Variants in EPHA6 observed in about 807,000 individuals in gnomAD.
The protein encoded by EPHA6 is EPH receptor A6.
In EPHA6, 50 loss-of-function variants were observed where a neutral mutation model predicts 112.0. That is an observed-to-expected ratio of 0.45 (90% CI 0.36 to 0.56). EPHA6 has a LOEUF of 0.56. Among genes scored for constraint, EPHA6 ranks in the 20% least tolerant of loss-of-function variants. The pLI is 0.00. For missense variants in EPHA6, 1,280 were observed against 1,417.4 expected (o/e 0.90, Z 1.56); for synonymous variants, 529 against 490.7 (o/e 1.08, Z -1.03).
At chr3:97,471,136 G>A (rs1442283345) in intron 7 of EPHA6, among the ~76,000 whole-genome samples, 1 of 151,586 alleles carries the variant, frequency 6.6e-6, no homozygotes, top group Non-Finnish European at 1.5e-5. Flanking sequence ...GTAACTTCAT[G>A]GTTTGCTTAT....
intron 2 of EPHA6, among the ~76,000 whole-genome samples, chr3:96,932,510 A>T (rs2107660379): frequency 6.6e-6 from 1 of 152,384 alleles, no homozygotes; most frequent in Admixed American, 6.5e-5. Context: ...TAAACCATAC[A>T]AATTAGAAAT....
intron 5 of EPHA6, among the ~76,000 whole-genome samples, chr3:97,397,278 G>A (rs1443180291): frequency 3.3e-5 from 5 of 151,220 alleles, no homozygotes; most frequent in African/African-American, 1.2e-4. Context: ...GCTCTTCTGT[G>A]TCCTAAAATC....
At chr3:97,028,763 T>C (rs1163128436) in intron 3 of EPHA6, among the ~76,000 whole-genome samples, 1 of 152,010 alleles carries the variant, frequency 6.6e-6, no homozygotes, top group African/African-American at 2.4e-5. Context: ...GAAATATGAT[T>C]TCTCATTAAT....
At chr3:97,127,125 TGAA>T (rs1415274280) in intron 3 of EPHA6, among the ~76,000 whole-genome samples, 3 of 152,254 alleles carry the variant, frequency 2.0e-5, no homozygotes, top group Admixed American at 6.5e-5. Context: ...CTTAAGGAAA[TGAA>T]GACCCAAGTA....
chr3:97,073,963 A>G (rs539032715), intron 3 of EPHA6, among the ~76,000 whole-genome samples: 1 of 151,822 alleles, frequency 6.6e-6, no homozygotes, highest in Non-Finnish European at 1.5e-5. Flanking sequence ...TTGGCCATTT[A>G]TTTTTTTAAT....
chr3:97,639,815 G>C (rs1050499611), intron 14 of EPHA6, among the ~76,000 whole-genome samples: 19 of 152,146 alleles, frequency 1.2e-4, no homozygotes, highest in African/African-American at 3.9e-4. Flanking sequence ...TTGGACCCCA[G>C]ACTTAAATAG....
intron 14 of EPHA6, among the ~76,000 whole-genome samples, chr3:97,693,302 G>C (rs1443563254): frequency 6.6e-6 from 1 of 152,186 alleles, no homozygotes; most frequent in African/African-American, 2.4e-5. Flanking sequence ...GAGGAATTTA[G>C]ATGTGTGGGT....
chr3:97,494,374 T>TAAAATTTG (rs2091925676), intron 10 of EPHA6, among the ~76,000 whole-genome samples: 1 of 152,234 alleles, frequency 6.6e-6, no homozygotes, highest in Non-Finnish European at 1.5e-5. Context: ...CGTCTTTTCC[T>TAAAATTTG]GATCTTGTCC....
intron 14 of EPHA6, among the ~76,000 whole-genome samples, chr3:97,705,085 A>G (rs989559774): frequency 6.6e-6 from 1 of 152,162 alleles, no homozygotes; most frequent in Non-Finnish European, 1.5e-5. Context: ...GCCACAAAAG[A>G]AGGTCCAAAT....
chr3:97,187,747 G>GGAAA lies in EPHA6; in HGVS notation c.1115-38504_1115-38501dup, dbSNP rs71623567. Among the ~76,000 whole-genome samples, 204 of 124,104 alleles carry GGAAA rather than the reference G, an allele frequency of 1.6e-3. 1 individual carries two copies. The highest frequency in any genetic ancestry group is 5.7e-3 in the African/African-American group (187 of 32,910). 81.4% of individuals were successfully genotyped at this position (124,104 alleles called of 152,430 possible). ...AAAGAAAGAAAGAAAGAAAGAAAGA[G>GGAAA]GAAAGAAAGAAAGAAAAATGCCATA... is the stretch of plus-strand genomic sequence containing the variant. On this transcript the variant is annotated intron_variant, in intron 3 of 17. Coordinates refer to ENST00000389672, the MANE Select transcript of EPHA6 (RefSeq NM_001080448.3).
intron 6 of EPHA6, among the ~76,000 whole-genome samples, chr3:97,433,394 A>C (rs1378590356): frequency 6.6e-6 from 1 of 152,150 alleles, no homozygotes; most frequent in Non-Finnish European, 1.5e-5. Context: ...GACATAGGCA[A>C]ATCTCATTTT....
At chr3:97,100,754 G>A (rs1235754370) in intron 3 of EPHA6, among the ~76,000 whole-genome samples, 1 of 151,928 alleles carries the variant, frequency 6.6e-6, no homozygotes, top group Non-Finnish European at 1.5e-5. Flanking sequence ...GATATACCAA[G>A]TGTTTCCTAT....
intron 3 of EPHA6, among the ~76,000 whole-genome samples, chr3:97,035,429 C>T (rs1414219735): frequency 6.6e-6 from 1 of 151,762 alleles, no homozygotes; most frequent in Non-Finnish European, 1.5e-5. Context: ...TTACATAGTG[C>T]CCTCTTATCA....
chr3:97,340,040 T>C (rs2083231627), intron 5 of EPHA6, among the ~76,000 whole-genome samples: 2 of 152,200 alleles, frequency 1.3e-5, no homozygotes, highest in Admixed American at 6.5e-5. Flanking sequence ...CCTAAATATT[T>C]TTTCCAGATG....
intron 5 of EPHA6, among the ~76,000 whole-genome samples, chr3:97,314,971 A>G (rs2081747373): frequency 6.6e-6 from 1 of 151,692 alleles, no homozygotes; most frequent in South Asian, 2.1e-4. Flanking sequence ...AGCATTCTAC[A>G]ACGATGAAAA....
At chr3:97,102,315 A>G (rs757330362) in intron 3 of EPHA6, among the ~76,000 whole-genome samples, 9 of 152,048 alleles carry the variant, frequency 5.9e-5, no homozygotes, top group African/African-American at 9.7e-5. Context: ...AGTAAATGCT[A>G]CGTGGAGCAA....
At chr3:97,111,386 A>G (rs1397250050) in intron 3 of EPHA6, among the ~76,000 whole-genome samples, 1 of 151,986 alleles carries the variant, frequency 6.6e-6, no homozygotes, top group Non-Finnish European at 1.5e-5. Context: ...ACTTGTTTTC[A>G]GCTTTTAGCA....
At chr3:97,717,257 A>G (rs866584088) in intron 14 of EPHA6, among the ~76,000 whole-genome samples, 40 of 151,314 alleles carry the variant, frequency 2.6e-4, no homozygotes, top group Admixed American at 4.6e-4. Flanking sequence ...AAAAGACAAC[A>G]GTTGAAATAA....
intron 11 of EPHA6, chr3:97,559,490 G>A (rs1275984887): frequency 2.9e-6 from 1 of 347,786 alleles, no homozygotes; most frequent in African/African-American, 2.2e-5. Flanking sequence ...TCAGCAGACA[G>A]AATGGAACTA....
Sources: allele counts gnomAD v4.1 joint callset (sites outside exome capture counted in the v4.1 genomes callset), GRCh38; gene constraint gnomAD v4.1.1; transcripts MANE v1.5; gene names NCBI Gene and HGNC (gene_info 2026-07-23, HGNC 2026-07-21).